The following IQCJ variants were observed in gnomAD, a reference collection of about 807,000 sequenced individuals.
IQCJ encodes IQ motif containing J.
A neutral mutation model predicts 11.0 loss-of-function variants in IQCJ; 9 were observed. The observed-to-expected ratio is 0.82, with a 90% CI of 0.49 to 1.43. IQCJ has a LOEUF of 1.43. Among genes scored for constraint, IQCJ ranks in the 40% most tolerant of loss-of-function variants. IQCJ has a pLI of 0.00. For synonymous variants in IQCJ, 55 were observed against 51.3 expected, an observed-to-expected ratio of 1.07 and a Z score of -0.31; for missense variants, 146 against 133.2, an observed-to-expected ratio of 1.10 and a Z score of -0.47.
chr3:159,171,633 G>A (rs79048530), intron 1 of IQCJ, among the ~76,000 whole-genome samples: 2,254 of 152,256 alleles, frequency 0.015, 53 homozygotes, highest in African/African-American at 0.052. Flanking sequence ...TACCTTTGTT[G>A]CACTCTAGAC....
chr3:159,170,231 G>A (rs771262285), intron 1 of IQCJ, among the ~76,000 whole-genome samples: 7 of 151,946 alleles, frequency 4.6e-5, no homozygotes, highest in Non-Finnish European at 7.4e-5. Context: ...AGAAATCTTC[G>A]GGGATGTTCA....
At chr3:159,206,888 T>C (rs1018750954) in intron 1 of IQCJ, among the ~76,000 whole-genome samples, 5 of 152,376 alleles carry the variant, frequency 3.3e-5, no homozygotes, top group Non-Finnish European at 7.3e-5. Context: ...TGAAATTTTC[T>C]AGTTTAGATC....
At chr3:159,073,405 G>A (rs1258751970) in intron 1 of IQCJ, among the ~76,000 whole-genome samples, 3 of 152,038 alleles carry the variant, frequency 2.0e-5, no homozygotes, top group East Asian at 3.9e-4. Context: ...AGGTGAGCTA[G>A]GTGCCTAGGG....
At chr3:159,262,148 C>T (rs80301695) in intron 3 of IQCJ, among the ~76,000 whole-genome samples, 1,929 of 152,362 alleles carry the variant, frequency 0.013, 43 homozygotes, top group African/African-American at 0.044. Context: ...AAAAATCACA[C>T]ATTGAGTGCA....
intron 1 of IQCJ, among the ~76,000 whole-genome samples, chr3:159,127,780 C>T (rs772144222): frequency 1.1e-4 from 17 of 152,226 alleles, no homozygotes; most frequent in Admixed American, 5.9e-4. Context: ...ATTGATAGTA[C>T]GCTTATTAAC....
chr3:159,122,043 A>G (rs1719409697), intron 1 of IQCJ, among the ~76,000 whole-genome samples: 2 of 152,312 alleles, frequency 1.3e-5, no homozygotes, highest in South Asian at 2.1e-4. Context: ...TTCCAAGATC[A>G]GGGTGCCAGC....
intron 1 of IQCJ, among the ~76,000 whole-genome samples, chr3:159,138,156 G>A (rs563498892): frequency 2.0e-5 from 3 of 152,326 alleles, no homozygotes; most frequent in African/African-American, 7.2e-5. Flanking sequence ...AGACGGGACA[G>A]TTGGAGGCCT....
At chr3:159,221,460 G>C (rs958855663) in intron 1 of IQCJ, among the ~76,000 whole-genome samples, 14 of 152,214 alleles carry the variant, frequency 9.2e-5, no homozygotes, top group African/African-American at 3.4e-4. Context: ...ATTCTGAAGG[G>C]AAGGGCCTGA....
At chr3:159,141,947 A>G (rs1560000729) in intron 1 of IQCJ, among the ~76,000 whole-genome samples, 1 of 152,164 alleles carries the variant, frequency 6.6e-6, no homozygotes, top group Non-Finnish European at 1.5e-5. Flanking sequence ...CTCCAGTTGT[A>G]CCTTTTTGTT....
intron 1 of IQCJ, among the ~76,000 whole-genome samples, chr3:159,176,492 T>C (rs1289704916): frequency 6.6e-6 from 1 of 152,182 alleles, no homozygotes; most frequent in Non-Finnish European, 1.5e-5. Context: ...TTGAAATGGT[T>C]TGTGGGTCTT....
intron 1 of IQCJ, among the ~76,000 whole-genome samples, chr3:159,153,603 T>A (rs1721351127): frequency 6.6e-6 from 1 of 152,244 alleles, no homozygotes; most frequent in Non-Finnish European, 1.5e-5. Context: ...GTAAACTGAA[T>A]ATTCCATCAA....
chr3:159,135,855 G>A (rs996225214), intron 1 of IQCJ, among the ~76,000 whole-genome samples: 2 of 152,068 alleles, frequency 1.3e-5, no homozygotes, highest in East Asian at 1.9e-4. Context: ...CTTGGTGGGC[G>A]GCACCTTTAA....
intron 1 of IQCJ, among the ~76,000 whole-genome samples, chr3:159,215,866 T>C (rs1725196149): frequency 6.6e-6 from 1 of 151,916 alleles, no homozygotes; most frequent in Non-Finnish European, 1.5e-5. Context: ...ATTTGTTTCA[T>C]GTTTGTTTCC....
chr3:159,093,276 A>G (rs540365762), intron 1 of IQCJ, among the ~76,000 whole-genome samples: 22 of 151,904 alleles, frequency 1.4e-4, no homozygotes, highest in Non-Finnish European at 2.9e-4. Context: ...CCTTGTTTCC[A>G]GCCAGCCTTT....
intron 1 of IQCJ, among the ~76,000 whole-genome samples, chr3:159,243,719 T>G (rs1364741695): frequency 6.6e-6 from 1 of 152,204 alleles, no homozygotes; most frequent in Admixed American, 6.5e-5. Context: ...CTCACTGTAT[T>G]GTACACTTAT....
intron 1 of IQCJ, among the ~76,000 whole-genome samples, chr3:159,074,988 G>A (rs1317099489): frequency 6.6e-6 from 1 of 151,884 alleles, no homozygotes; most frequent in Non-Finnish European, 1.5e-5. Context: ...GCCTCCCACT[G>A]CCCAACTAAC....
intron 3 of IQCJ, among the ~76,000 whole-genome samples, chr3:159,254,600 C>G (rs1479221556): frequency 6.6e-6 from 1 of 152,122 alleles, no homozygotes; most frequent in African/African-American, 2.4e-5. Context: ...ATTCTTAACT[C>G]TCATGGCAGG....
At chr3:159,112,755 G>A (rs1718713990) in intron 1 of IQCJ, among the ~76,000 whole-genome samples, 1 of 152,150 alleles carries the variant, frequency 6.6e-6, no homozygotes, top group Non-Finnish European at 1.5e-5. Flanking sequence ...CAGTCCTTAT[G>A]TTTAATGAAT....
chr3:159,213,281 C>G (rs1725049848), intron 1 of IQCJ, among the ~76,000 whole-genome samples: 1 of 152,138 alleles, frequency 6.6e-6, no homozygotes, highest in African/African-American at 2.4e-5. Context: ...ATCAACATAG[C>G]AGATTAGCAT....
Sources: gnomAD v4.1 joint callset for allele counts (sites outside exome capture counted in the v4.1 genomes callset) on GRCh38, gnomAD v4.1.1 for gene constraint, MANE v1.5 for transcripts, NCBI Gene and HGNC (gene_info 2026-07-23, HGNC 2026-07-21) for gene names.